Variants in GTPBP1 observed in about 807,000 individuals in gnomAD.
GTPBP1 encodes GTP binding protein 1.
GTPBP1 carries 23 observed loss-of-function variants against 62.0 expected under a neutral mutation model. The observed-to-expected ratio is 0.37, with a 90% confidence interval of 0.27 to 0.53. GTPBP1 has a LOEUF of 0.53. Among genes scored for constraint, GTPBP1 ranks in the 20% least tolerant of loss-of-function variants. The probability of loss-of-function intolerance (pLI) is 0.89; values close to 1 mark genes in which losing one functional copy is unlikely to be tolerated. For synonymous variants in GTPBP1, 344 were observed against 364.4 expected (o/e 0.94, Z 0.64); for missense variants, 640 against 917.3 (o/e 0.70, Z 3.90).
At chr22:38,737,543 A>G (rs2092816812), downstream of GTPBP1, among the ~76,000 whole-genome samples, 1 of 151,862 alleles carries the variant, frequency 6.6e-6, no homozygotes, top group Non-Finnish European at 1.5e-5. The surrounding 1 kb of genome is among the most constrained non-coding windows in gnomAD (Gnocchi z 4.1). Flanking sequence ...TGCCTCCCCC[A>G]GGTCCCTGAG....
chr22:38,741,473 G>A (rs118118117), downstream of GTPBP1: 1,135 of 1,612,620 alleles, frequency 7.0e-4, 4 homozygotes, highest in East Asian at 3.5e-3. Flanking sequence ...CACAGGCCCT[G>A]AGTGCCGCAA....
At chr22:38,720,314 G>A (rs2092693226) in intron 4 of GTPBP1, among the ~76,000 whole-genome samples, 1 of 151,892 alleles carries the variant, frequency 6.6e-6, no homozygotes, top group Admixed American at 6.6e-5. Context: ...CCGCCTCCTT[G>A]GTTCAAGCGA....
chr22:38,729,386 C>A, intron 10 of GTPBP1, 76 bp from the exon 11 acceptor site: 3 of 1,087,540 alleles, frequency 2.8e-6, no homozygotes, highest in Non-Finnish European at 3.9e-6. Flanking sequence ...GAGAAGGGGG[C>A]TGAGGGTGGG....
At chr22:38,734,356 A>G (rs1291507790), downstream of GTPBP1, 3 of 446,132 alleles carry the variant, frequency 6.7e-6, no homozygotes, top group African/African-American at 2.1e-5. Context: ...GCGAATTCCC[A>G]TGGAGGAGAA....
rs926963777 is a variant in GTPBP1, at chr22:38,731,734, C to T, written c.*1030C>T. The stretch of plus-strand genomic sequence containing the variant: ...GGCTGAGACTAGAACCCCATCTTCC[C>T]TGAGCCAGGCTGAGACTAGAACCCC... On this transcript the variant is annotated 3_prime_UTR_variant, in exon 12 of 12. Coordinates refer to ENST00000216044, the MANE Select transcript of GTPBP1 (RefSeq NM_004286.5). 1.3e-5 allele frequency: 2 copies of T among 152,580 alleles called. No homozygotes were observed. The highest frequency in any genetic ancestry group is 6.5e-5 in the Admixed American group (1 of 15,292). The allele number at this position is 152,580 out of a possible 1,614,324, so 9.5% of individuals were successfully genotyped here.
chr22:38,718,245 T>C (rs983724255), intron 4 of GTPBP1, among the ~76,000 whole-genome samples: 1 of 152,124 alleles, frequency 6.6e-6, no homozygotes, highest in African/African-American at 2.4e-5. Context: ...TTAGGGGAGT[T>C]GTTGGGTTGA....
intron 5 of GTPBP1, chr22:38,723,392 G>T: frequency 1.1e-6 from 1 of 916,452 alleles, no homozygotes. Flanking sequence ...TGTCAAGCTC[G>T]TTCTTCCAGA....
chr22:38,741,037 C>T (rs775651955), downstream of GTPBP1: 68 of 1,597,120 alleles, frequency 4.3e-5, no homozygotes, highest in African/African-American at 1.3e-5. Context: ...CTGCTGGATG[C>T]GAGCCTCGGA....
Position 38,730,753 on chromosome 22 carries a change from C to A in GTPBP1, c.*49C>A. The A allele has an allele frequency of 1.0e-6, 1 of 990,166 alleles. No individual in the cohort carries two copies. Among genetic ancestry groups the A allele is most frequent in the Non-Finnish European group, 1.5e-6 (1 of 669,346 alleles). The allele number at this position is 990,166 out of a possible 1,614,324, so 61.3% of individuals were successfully genotyped here. A position where few individuals can be genotyped will look rare whatever the true frequency, so the allele number is the denominator to read the frequency against. ...CACCCAAGGGGTCATCATCTCTGGC[C>A]ACCACTCCACCAGATGGGCAGAGCA... On this transcript the variant is annotated 3_prime_UTR_variant, in exon 12 of 12. Transcript: ENST00000216044. This position sits in a 1 kb window ranked among gnomAD's most constrained non-coding sequence, Gnocchi z 5.6.
At chr22:38,735,816 G>A (rs1328666035), downstream of GTPBP1, 1 of 165,256 alleles carries the variant, frequency 6.1e-6, no homozygotes, top group Admixed American at 6.2e-5. Context: ...CTGCTCTGGA[G>A]CTAAGCACCC....
chr22:38,716,549 G>T lies in GTPBP1; in HGVS notation c.486-103G>T. The T allele has an allele frequency of 1.2e-6, 1 of 839,440 alleles. No individual in the cohort carries two copies. Among genetic ancestry groups the T allele is most frequent in the Non-Finnish European group, 1.9e-6 (1 of 521,894 alleles). 52.0% of individuals were successfully genotyped at this position (839,440 alleles called of 1,614,324 possible). Reference sequence around the variant, plus strand: ...GGAGCTGTGAGCCGGAGGGGATCGGGGCAAGCCTGGACTTGCGGATCCAAT... The same window carrying T: ...GGAGCTGTGAGCCGGAGGGGATCGGTGCAAGCCTGGACTTGCGGATCCAAT... On this transcript the variant is annotated intron_variant, in intron 3 of 11. Transcript: ENST00000216044. This position sits in a 1 kb window ranked among gnomAD's most constrained non-coding sequence, Gnocchi z 5.2.
At chr22:38,720,844 G>T (rs1162627286) in intron 4 of GTPBP1, among the ~76,000 whole-genome samples, 1 of 152,172 alleles carries the variant, frequency 6.6e-6, no homozygotes, top group African/African-American at 2.4e-5. Flanking sequence ...AGTGGATATT[G>T]TTATCTCCCC....
downstream of GTPBP1, chr22:38,738,365 G>C: frequency 8.4e-7 from 1 of 1,186,186 alleles, no homozygotes; most frequent in South Asian, 1.4e-5. This position sits in a 1 kb window ranked among gnomAD's most constrained non-coding sequence, Gnocchi z 6.6. Context: ...TCAGGCACCA[G>C]AGTGGCCTAT....
chr22:38,724,552 G>A (rs960815998), intron 6 of GTPBP1, 141 bp downstream of exon 6: 5 of 600,530 alleles, frequency 8.3e-6, no homozygotes, highest in African/African-American at 3.7e-5. Context: ...TTCAGAGATC[G>A]GAGGAAATAG....
downstream of GTPBP1, chr22:38,742,247 A>C: frequency 6.5e-7 from 1 of 1,529,802 alleles, no homozygotes; most frequent in Non-Finnish European, 8.8e-7. Flanking sequence ...GGGCACCTTC[A>C]CGCTTTCCTA....
Position 38,722,711 on chromosome 22 carries a change from G to A in GTPBP1, c.958+846G>A. 2.5e-6 allele frequency: 4 copies of A among 1,598,848 alleles called. No homozygotes were observed. In the Middle Eastern group the frequency reaches 6.7e-4, roughly 268 times the overall value. On this transcript the variant is annotated intron_variant, in intron 5 of 11. Coordinates refer to ENST00000216044, the MANE Select transcript of GTPBP1 (RefSeq NM_004286.5). ...GGCTTCAACTGTGTTTCTTCTCTGG[G>A]GTGAGAAGGTGCAGATACACATGGG...
downstream of GTPBP1, among the ~76,000 whole-genome samples, chr22:38,737,606 C>T (rs1240188076): frequency 6.6e-6 from 1 of 152,180 alleles, no homozygotes; most frequent in Non-Finnish European, 1.5e-5. The surrounding 1 kb of genome is among the most constrained non-coding windows in gnomAD (Gnocchi z 4.1). Flanking sequence ...GTCCCTCGTC[C>T]ACCTCCCACT....
At chr22:38,724,183 A>G (rs1217892973) in intron 5 of GTPBP1, 114 bp from the exon 6 acceptor site, 7 of 683,626 alleles carry the variant, frequency 1.0e-5, no homozygotes, top group Non-Finnish European at 1.9e-5. Context: ...ACACTGGTCC[A>G]TCTATCTGTC....
downstream of GTPBP1, chr22:38,741,666 CTGTT>C (rs1446894786): frequency 8.4e-6 from 10 of 1,185,926 alleles, no homozygotes; most frequent in Non-Finnish European, 1.1e-5. Flanking sequence ...CAAACAAGGT[CTGTT>C]TGCTTCCAGA....
Sources: gnomAD v4.1 joint callset for allele counts (sites outside exome capture counted in the v4.1 genomes callset) on GRCh38, gnomAD v4.1.1 for gene constraint, Gnocchi (gnomAD v3.1) non-coding constraint, MANE v1.5 for transcripts, NCBI Gene and HGNC (gene_info 2026-07-23, HGNC 2026-07-21) for gene names.